RPS6KC1: variants seen among roughly 807,000 people sequenced by gnomAD.
RPS6KC1 encodes inactive ribosomal protein S6 kinase delta-1.
A neutral mutation model predicts 103.8 loss-of-function variants in RPS6KC1; 54 were observed. The observed-to-expected ratio is 0.52, with a 90% CI of 0.42 to 0.65. The LOEUF (loss-of-function observed/expected upper bound fraction) is 0.65, where lower values mean the gene tolerates loss of function less well. RPS6KC1 is among the 30% of genes least tolerant of loss of function. The pLI is 0.00. For missense variants in RPS6KC1, 1,151 were observed against 1,253.8 expected (o/e 0.92, Z 1.24); for synonymous variants, 439 against 438.7 (o/e 1.00, Z -0.01).
chr1:213,722,303 C>T, the RPS6KC1 span, among the ~76,000 whole-genome samples: 1 of 152,114 alleles, frequency 6.6e-6, no homozygotes, highest in Non-Finnish European at 1.5e-5. Flanking sequence ...TCCTCCAGTA[C>T]CCAAACTTTC....
At chr1:213,104,375 T>A in intron 3 of RPS6KC1, 79 bp from the exon 4 acceptor site, 1 of 905,188 alleles carries the variant, frequency 1.1e-6, no homozygotes, top group Non-Finnish European at 1.8e-6. Flanking sequence ...GCTGCTGCTT[T>A]CTGATCTGTG....
the RPS6KC1 span, among the ~76,000 whole-genome samples, chr1:213,356,487 T>C: frequency 6.6e-6 from 1 of 152,076 alleles, no homozygotes; most frequent in Non-Finnish European, 1.5e-5. Flanking sequence ...AAACACTGTC[T>C]CTACTAAAAA....
At chr1:213,465,381 C>A in the RPS6KC1 span, among the ~76,000 whole-genome samples, 817 of 152,214 alleles carry the variant, frequency 5.4e-3, 7 homozygotes, top group Non-Finnish European at 8.3e-3. Flanking sequence ...AGTTTCTATA[C>A]CTGGAAGTAG....
chr1:213,449,402 G>A, the RPS6KC1 span, among the ~76,000 whole-genome samples: 11 of 152,162 alleles, frequency 7.2e-5, no homozygotes, highest in Non-Finnish European at 1.2e-4. Flanking sequence ...TGTGTTGGCA[G>A]GCTTGGGTTC....
At chr1:213,406,554 CT>C in the RPS6KC1 span, among the ~76,000 whole-genome samples, 1 of 152,252 alleles carries the variant, frequency 6.6e-6, no homozygotes, top group Admixed American at 6.5e-5. Flanking sequence ...TAAAGAGCTC[CT>C]TGTTTTATCA....
chr1:213,067,062 C>T (rs1023358567), intron 1 of RPS6KC1, among the ~76,000 whole-genome samples: 23 of 152,156 alleles, frequency 1.5e-4, no homozygotes, highest in African/African-American at 5.3e-4. Context: ...TACCTGTGAC[C>T]TGAAAGCCCC....
chr1:213,662,076 A>G, the RPS6KC1 span, among the ~76,000 whole-genome samples: 2 of 152,160 alleles, frequency 1.3e-5, no homozygotes, highest in South Asian at 2.1e-4. Flanking sequence ...GGAGAACCCA[A>G]TGTTTCTAGG....
At chr1:213,515,642 A>G in the RPS6KC1 span, among the ~76,000 whole-genome samples, 443 of 152,226 alleles carry the variant, frequency 2.9e-3, 3 homozygotes, top group African/African-American at 9.7e-3. Context: ...GCCTTGTAGT[A>G]TAGTTTGAAG....
chr1:213,610,997 G>T, the RPS6KC1 span, among the ~76,000 whole-genome samples: 2 of 152,052 alleles, frequency 1.3e-5, no homozygotes, highest in Non-Finnish European at 2.9e-5. Context: ...GCATATATGG[G>T]GTTACACCAT....
intron 1 of RPS6KC1, among the ~76,000 whole-genome samples, chr1:213,062,474 A>G (rs2077927959): frequency 6.6e-6 from 1 of 152,244 alleles, no homozygotes; most frequent in Non-Finnish European, 1.5e-5. Flanking sequence ...AATCTTAACA[A>G]AAAATACAGC....
chr1:213,096,505 A>G (rs776949887), intron 3 of RPS6KC1, among the ~76,000 whole-genome samples: 27 of 152,258 alleles, frequency 1.8e-4, no homozygotes, highest in Admixed American at 3.9e-4. Context: ...CCTGGCAAAC[A>G]TGGTGAAAAA....
chr1:213,678,949 C>T, the RPS6KC1 span, among the ~76,000 whole-genome samples: 7 of 152,238 alleles, frequency 4.6e-5, no homozygotes, highest in African/African-American at 9.6e-5. Flanking sequence ...TAGCACAATT[C>T]CTGGCAGAAA....
chr1:213,786,755 C>A, the RPS6KC1 span, among the ~76,000 whole-genome samples: 1 of 152,146 alleles, frequency 6.6e-6, no homozygotes, highest in Non-Finnish European at 1.5e-5. Context: ...AAAGAATATT[C>A]TTCATTATTT....
chr1:213,493,556 A>G, the RPS6KC1 span, among the ~76,000 whole-genome samples: 1 of 152,242 alleles, frequency 6.6e-6, no homozygotes, highest in South Asian at 2.1e-4. Context: ...CATAATCGGG[A>G]AAATGATAGG....
At chr1:213,318,236 C>T in the RPS6KC1 span, among the ~76,000 whole-genome samples, 1 of 152,200 alleles carries the variant, frequency 6.6e-6, no homozygotes, top group Admixed American at 6.5e-5. Context: ...ATTGTTTTAT[C>T]TTATGGATAT....
chr1:213,688,930 T>C, the RPS6KC1 span, among the ~76,000 whole-genome samples: 1 of 152,244 alleles, frequency 6.6e-6, no homozygotes, highest in Non-Finnish European at 1.5e-5. Flanking sequence ...GACTATAGTC[T>C]ACTTTCCTTC....
chr1:213,258,349 A>T (rs750309359), intron 12 of RPS6KC1, among the ~76,000 whole-genome samples: 1 of 152,172 alleles, frequency 6.6e-6, no homozygotes, highest in Non-Finnish European at 1.5e-5. Flanking sequence ...GGTGATCCTT[A>T]TAATACTAAG....
At chr1:213,568,570 C>A in the RPS6KC1 span, among the ~76,000 whole-genome samples, 4 of 152,162 alleles carry the variant, frequency 2.6e-5, no homozygotes, top group African/African-American at 9.7e-5. Flanking sequence ...AGGGAACTAC[C>A]ATTTATAGAG....
the RPS6KC1 span, among the ~76,000 whole-genome samples, chr1:213,452,535 G>A: frequency 6.6e-6 from 1 of 152,064 alleles, no homozygotes; most frequent in Non-Finnish European, 1.5e-5. Flanking sequence ...TAAAATGGCT[G>A]TTAAGTCTTT....
Sources: gnomAD v4.1 joint callset for allele counts (sites outside exome capture counted in the v4.1 genomes callset) on GRCh38, gnomAD v4.1.1 for gene constraint, MANE v1.5 for transcripts, NCBI Gene and HGNC (gene_info 2026-07-23, HGNC 2026-07-21) for gene names.